Variants in ADCY10 observed in about 807,000 individuals in gnomAD.
ADCY10 encodes adenylate cyclase 10, also known as adenylate cyclase type 10.
In ADCY10, 156 loss-of-function variants were observed where a neutral mutation model predicts 183.3. The ratio of observed to expected loss-of-function variants is 0.85; its 90% confidence interval spans 0.75 to 0.97. The LOEUF is 0.97. Ranked by LOEUF, ADCY10 falls within the 50% of genes least tolerant of loss-of-function variation. ADCY10 has a pLI of 0.00. For missense variants in ADCY10, 1,745 were observed against 1,934.3 expected (o/e 0.90, Z 1.84); for synonymous variants, 645 against 670.0 (o/e 0.96, Z 0.58).
chr1:167,875,570 T>C (rs2102201020), intron 12 of ADCY10, among the ~76,000 whole-genome samples: 1 of 152,332 alleles, frequency 6.6e-6, no homozygotes, highest in South Asian at 2.1e-4. Flanking sequence ...TAGCGCGCCT[T>C]TTATTGGAGC....
rs760399616 is a variant in ADCY10 at position 167,836,452 on chromosome 1, C to A, written c.3166G>T (p.Glu1056Ter). 1 of 1,614,092 alleles carries A rather than the reference C, an allele frequency of 6.2e-7. No homozygotes were observed. The highest frequency in any genetic ancestry group is 1.1e-5 in the South Asian group (1 of 91,080). The change falls in exon 23 of 33, where the codon GAA becomes TAA. Residue 1056 changes from glutamate to a stop codon, truncating the protein, a stop_gained. Coordinates refer to ENST00000367851, the MANE Select transcript of ADCY10 (RefSeq NM_018417.6). LOFTEE classifies it high-confidence loss of function. ...AGGATTTCTTCACACTGGCAAGATT[C>A]CAGAGGGATAATGTCTTCGTCAGAT... ...KTSDEDIIPL[E>*]SCQCEEILEI...
chr1:167,832,139 T>G (rs2101898572), intron 25 of ADCY10, among the ~76,000 whole-genome samples: 1 of 152,316 alleles, frequency 6.6e-6, no homozygotes, highest in South Asian at 2.1e-4. Flanking sequence ...GTTTGTATCT[T>G]AGGCAGAACC....
At chr1:167,841,675 AG>A (rs1664661410) in intron 21 of ADCY10, among the ~76,000 whole-genome samples, 1 of 151,720 alleles carries the variant, frequency 6.6e-6, no homozygotes, top group African/African-American at 2.4e-5. Flanking sequence ...TTTTTTTAAG[AG>A]ATGGGGTCTT....
At chr1:167,817,984 T>G in intron 31 of ADCY10, 88 bp downstream of exon 31, 1 of 1,305,158 alleles carries the variant, frequency 7.7e-7, no homozygotes, top group South Asian at 1.3e-5. Flanking sequence ...ATATATGAAT[T>G]CTATAATGAG....
In ADCY10 at chr1:167,913,103, A is replaced by G. The variant is rs74572048; in HGVS notation, c.-59+873T>C. 3.3e-5 allele frequency among the ~76,000 whole-genome samples: 5 copies of G among 152,354 alleles called. No individual in the cohort carries two copies. The East Asian group carries it at 9.6e-4, about 29-fold the overall frequency. ...CCTTATCAACTGTTCAGCCAATTCT[A>G]TCACATCAAGAATACAGCATGAACA... On this transcript the variant is annotated intron_variant, in intron 1 of 32. Transcript: ENST00000367851.
chr1:167,876,562 C>T (rs1390638889), intron 12 of ADCY10, among the ~76,000 whole-genome samples: 2 of 152,190 alleles, frequency 1.3e-5, no homozygotes, highest in Admixed American at 6.5e-5. Flanking sequence ...TGGTCTTCCC[C>T]ACTTGATTGT....
In ADCY10 at chr1:167,870,352, G is replaced by T; in HGVS notation, c.1521C>A (p.Asn507Lys). ...MYTMKKFLIS[N>K]SSQVLMYEGL... Reference sequence around the variant, plus strand: ...CCTCATACATTAAGACTTGGCTGCTGTTAGATATCAAAAATTTCTTCATAG... The same window carrying T: ...CCTCATACATTAAGACTTGGCTGCTTTTAGATATCAAAAATTTCTTCATAG... The change falls in exon 14 of 33, where the codon AAC becomes AAA. Residue 507 changes from asparagine (N) to lysine (K), a missense_variant. Transcript: ENST00000367851. 1 of 1,613,504 alleles carries T rather than the reference G, an allele frequency of 6.2e-7. No individual in the cohort carries two copies. Among genetic ancestry groups the T allele is most frequent in the Non-Finnish European group, 8.5e-7 (1 of 1,179,556 alleles).
chr1:167,846,602 C>T (rs1452727867), intron 19 of ADCY10, among the ~76,000 whole-genome samples: 1 of 152,188 alleles, frequency 6.6e-6, no homozygotes, highest in Non-Finnish European at 1.5e-5. Context: ...TCAGAAGGAG[C>T]AGGCCCTGCC....
chr1:167,818,234 GT>G lies in ADCY10; in HGVS notation c.4319del (p.Tyr1440SerfsTer16). ...GATTTTTAGCTCTATTGGAAAATTTGTAAAAGTTGTCCCATTCCTGAAGTCT... is the reference window on the plus strand; with the variant it reads ...GATTTTTAGCTCTATTGGAAAATTTGAAAAGTTGTCCCATTCCTGAAGTCT... ...YARLQEWDNF[Y>X]KFSNRAKNLL... is the part of the protein sequence containing the mutation. On this transcript the variant is annotated frameshift_variant, in exon 31 of 33. Coordinates refer to ENST00000367851, the MANE Select transcript of ADCY10 (RefSeq NM_018417.6). LOFTEE classifies it high-confidence loss of function. The G allele has an allele frequency of 1.2e-6, 2 of 1,614,156 alleles. 1 individual carries two copies. The highest frequency in any genetic ancestry group is 2.2e-5 in the South Asian group (2 of 91,086).
intron 14 of ADCY10, among the ~76,000 whole-genome samples, chr1:167,868,315 CA>C (rs1464214332): frequency 6.6e-6 from 1 of 152,020 alleles, no homozygotes; most frequent in Non-Finnish European, 1.5e-5. Flanking sequence ...ATTCCCGGCC[CA>C]AAAGAATCAC....
intron 13 of ADCY10, 36 bp downstream of exon 13, chr1:167,875,095 C>A: frequency 1.3e-6 from 2 of 1,577,930 alleles, no homozygotes; most frequent in South Asian, 2.2e-5. Context: ...TGTTTTAGTT[C>A]AATAAAGAAG....
At chr1:167,810,636 C>T in intron 32 of ADCY10, 89 bp downstream of exon 32, 1 of 1,238,124 alleles carries the variant, frequency 8.1e-7, no homozygotes, top group Middle Eastern at 1.9e-4. Flanking sequence ...TTAATGGCAG[C>T]CTGGTGAAAC....
At chr1:167,844,118 C>T (rs576114459) in intron 21 of ADCY10, among the ~76,000 whole-genome samples, 86 of 152,132 alleles carry the variant, frequency 5.7e-4, no homozygotes, top group Non-Finnish European at 1.0e-3. Flanking sequence ...ATAATATTAC[C>T]AATTTTGTAA....
chr1:167,821,626 A>G (rs1662919928), intron 30 of ADCY10, among the ~76,000 whole-genome samples: 2 of 152,242 alleles, frequency 1.3e-5, no homozygotes, highest in South Asian at 4.1e-4. Flanking sequence ...TGAAGATATA[A>G]GCCATGTCTT....
At chr1:167,857,529 A>G (rs1665994997) in intron 16 of ADCY10, among the ~76,000 whole-genome samples, 1 of 152,234 alleles carries the variant, frequency 6.6e-6, no homozygotes, top group Admixed American at 6.5e-5. Flanking sequence ...ATTGAAGAGA[A>G]TAAAGCAGGA....
chr1:167,878,323 G>A (rs1426244093), intron 12 of ADCY10, 123 bp downstream of exon 12: 2 of 1,092,070 alleles, frequency 1.8e-6, no homozygotes, highest in Non-Finnish European at 2.7e-6. Context: ...GCCTTGGTCT[G>A]GGGAAAGCAT....
intron 30 of ADCY10, among the ~76,000 whole-genome samples, chr1:167,821,437 A>G (rs1662903412): frequency 1.3e-5 from 2 of 152,184 alleles, no homozygotes; most frequent in Admixed American, 6.5e-5. Flanking sequence ...GGCAAGTATA[A>G]CTCAGTCCGT....
At chr1:167,827,031 A>G (rs1256322033) in intron 26 of ADCY10, among the ~76,000 whole-genome samples, 3 of 152,190 alleles carry the variant, frequency 2.0e-5, no homozygotes, top group Non-Finnish European at 4.4e-5. Context: ...AAATTCACCA[A>G]AAGGAACTAA....
chr1:167,836,603 C>T (rs1388339504), intron 22 of ADCY10, 63 bp from the exon 23 acceptor site: 2 of 1,247,582 alleles, frequency 1.6e-6, no homozygotes, highest in Non-Finnish European at 2.3e-6. Flanking sequence ...ATTAAAATAT[C>T]TTTAGGCCAG....
Sources: allele counts gnomAD v4.1 joint callset (sites outside exome capture counted in the v4.1 genomes callset), GRCh38; gene constraint gnomAD v4.1.1; transcripts MANE v1.5; gene names NCBI Gene and HGNC (gene_info 2026-07-23, HGNC 2026-07-21).